ADAMTS8: variants seen among roughly 807,000 people sequenced by gnomAD.
ADAMTS8 encodes the protein ADAM metallopeptidase with thrombospondin type 1 motif 8.
Under a neutral mutation model 64.4 loss-of-function variants are expected in ADAMTS8, and 50 were observed. The observed-to-expected ratio is 0.78, with a 90% CI of 0.62 to 0.98. ADAMTS8 has a LOEUF of 0.98. ADAMTS8 is among the 50% of genes least tolerant of loss of function. The pLI is 0.00. For missense variants in ADAMTS8, 1,192 were observed against 1,208.2 expected, an observed-to-expected ratio of 0.99 and a Z score of 0.20; for synonymous variants, 556 against 533.6, an observed-to-expected ratio of 1.04 and a Z score of -0.58.
intron 5 of ADAMTS8, among the ~76,000 whole-genome samples, 171 bp downstream of exon 5, chr11:130,414,360 C>T (rs1038283373): frequency 2.0e-5 from 3 of 152,030 alleles, no homozygotes; most frequent in African/African-American, 7.2e-5. Flanking sequence ...AGTGATCCTT[C>T]TGCCTCAGCT....
intron 8 of ADAMTS8, among the ~76,000 whole-genome samples, 182 bp downstream of exon 8, chr11:130,408,282 C>T (rs1435785049): frequency 5.3e-5 from 8 of 152,170 alleles, no homozygotes; most frequent in South Asian, 2.1e-4. Flanking sequence ...ATCCTTACAA[C>T]GACTCTGAGA....
intron 1 of ADAMTS8, among the ~76,000 whole-genome samples, chr11:130,421,091 A>T (rs556670358): frequency 2.0e-4 from 30 of 152,338 alleles, no homozygotes; most frequent in Middle Eastern, 6.8e-3. Flanking sequence ...ATGAGGTCGC[A>T]CAAGGAAGGT....
Position 130,417,032 on chromosome 11 carries a change from G to T in ADAMTS8, c.1004C>A (p.Ala335Glu). Residue 335 changes from alanine (A) to glutamate (E), a missense_variant, in exon 3 of 9, where the codon GCA (alanine) becomes GAA (glutamate). Around this residue, in one of 5 missense-constraint regions of ADAMTS8, gnomAD observed 741 missense variants for 710.6 expected, o/e 1.04. Transcript: ENST00000257359. ...QEGLCDTLGV[A>E]DIGTICDPNK... Reference sequence around the variant, plus strand: ...GGGGTCACAAATGGTCCCGATGTCTGCCACACCCAGGGTGTCACACAGCCC... The same window carrying T: ...GGGGTCACAAATGGTCCCGATGTCTTCCACACCCAGGGTGTCACACAGCCC... 2 of 1,613,980 alleles carry T rather than the reference G, an allele frequency of 1.2e-6. No homozygotes were observed. The highest frequency in any genetic ancestry group is 2.2e-5 in the East Asian group (1 of 44,848).
At position 130,416,851 on chromosome 11, in the gene ADAMTS8, G is replaced by A. The variant is rs552002798; in HGVS notation, c.1096+89C>T. The A allele has an allele frequency of 1.4e-5, 22 of 1,573,624 alleles. No individual in the cohort carries two copies. Among genetic ancestry groups the A allele is most frequent in the East Asian group, 4.5e-5 (2 of 44,252 alleles). The stretch of plus-strand genomic sequence containing the variant: ...GAGGAGCTATTCCTAAGCAAGGGCC[G>A]CATATTCCTTAGGATCTACGCAACC... On this transcript the variant is annotated intron_variant, in intron 3 of 8. Transcript: ENST00000257359. The surrounding 1 kb of genome is among the most constrained non-coding windows in gnomAD (Gnocchi z 4.8).
chr11:130,411,457 G>T lies in ADAMTS8; in HGVS notation c.1710C>A (p.Ala570=), dbSNP rs1257279149. The T allele has an allele frequency of 6.2e-7, 1 of 1,614,174 alleles. No individual in the cohort carries two copies. ...NGGRYCLGRR[A]KYQSCHTEEC... ...CCTCCGTGTGGCATGACTGGTACTT[G>T]GCTCTCCGACCCAGGCAGTATCTTC... The change falls in exon 6 of 9, where the codon GCC becomes GCA. Residue 570 remains alanine (A), a synonymous_variant. Transcript: ENST00000257359. The surrounding 1 kb of genome is among the most constrained non-coding windows in gnomAD (Gnocchi z 4.2).
chr11:130,417,234 T>TTTAAA (rs10522527), intron 2 of ADAMTS8, among the ~76,000 whole-genome samples, 159 bp from the exon 3 acceptor site: 76,073 of 149,972 alleles, frequency 0.51, 20,630 homozygotes, highest in Admixed American at 0.66. Flanking sequence ...TTATTGAGCT[T>TTTAAA]TTAAATTAAA....
chr11:130,418,420 G>A (rs1051699942), intron 2 of ADAMTS8, among the ~76,000 whole-genome samples: 2 of 152,202 alleles, frequency 1.3e-5, no homozygotes, highest in African/African-American at 2.4e-5. Flanking sequence ...GGACAGCACA[G>A]TCATTCAGAA....
Position 130,427,906 on chromosome 11 carries a change from C to T in ADAMTS8, c.381G>A (p.Leu127=). ...SLCRGLSGSF[L]LDGEEFTIQP... is the part of the protein sequence containing the mutation. Reference sequence around the variant, plus strand: ...GGATGGTGAACTCCTCGCCGTCCAGCAGGAAGGAGCCGCTCAGCCCGCGGC... The same window carrying T: ...GGATGGTGAACTCCTCGCCGTCCAGTAGGAAGGAGCCGCTCAGCCCGCGGC... The change falls in exon 1 of 9, where the codon CTG becomes CTA. Residue 127 remains leucine, a synonymous_variant. Coordinates refer to ENST00000257359, the MANE Select transcript of ADAMTS8 (RefSeq NM_007037.6). The T allele has an allele frequency of 6.5e-7, 1 of 1,534,102 alleles. No homozygotes were observed. The highest frequency in any genetic ancestry group is 8.7e-7 in the Non-Finnish European group (1 of 1,146,258).
At position 130,416,657 on chromosome 11, in the gene ADAMTS8, C is replaced by T. The variant is rs565822039; in HGVS notation, c.1096+283G>A. ...CTTGTGCACAGCTCCACGCCTCCAC[C>T]CCAGCACGTGTCTGGTGTCCTGTGT... is the stretch of plus-strand genomic sequence containing the variant. On this transcript the variant is annotated intron_variant, in intron 3 of 8. Coordinates refer to ENST00000257359, the MANE Select transcript of ADAMTS8 (RefSeq NM_007037.6). The surrounding 1 kb of genome is among the most constrained non-coding windows in gnomAD (Gnocchi z 4.8). 3.6e-4 allele frequency among the ~76,000 whole-genome samples: 55 copies of T among 152,332 alleles called. No individual in the cohort carries two copies. The highest frequency in any genetic ancestry group is 1.3e-3 in the African/African-American group (53 of 41,580).
At chr11:130,419,512 G>T (rs1318699571) in intron 1 of ADAMTS8, among the ~76,000 whole-genome samples, 1 of 152,232 alleles carries the variant, frequency 6.6e-6, no homozygotes, top group African/African-American at 2.4e-5. Flanking sequence ...TGCATGAACA[G>T]TGGTCTTTGA....
intron 1 of ADAMTS8, among the ~76,000 whole-genome samples, chr11:130,423,711 T>C (rs1862128412): frequency 6.6e-6 from 1 of 152,222 alleles, no homozygotes; most frequent in African/African-American, 2.4e-5. Context: ...TCGAAAACTC[T>C]GCTCACTGCA....
Position 130,416,875 on chromosome 11 carries a change from C to T in ADAMTS8, c.1096+65G>A. ...CGCATATTCCTTAGGATCTACGCAACCTTGGATCTGGAAGAGCAGTTCCCT... is the reference window on the plus strand; with the variant it reads ...CGCATATTCCTTAGGATCTACGCAATCTTGGATCTGGAAGAGCAGTTCCCT... On this transcript the variant is annotated intron_variant, in intron 3 of 8. Coordinates refer to ENST00000257359, the MANE Select transcript of ADAMTS8 (RefSeq NM_007037.6). The surrounding 1 kb of genome is among the most constrained non-coding windows in gnomAD (Gnocchi z 4.8). 3 of 1,609,768 alleles carry T rather than the reference C, an allele frequency of 1.9e-6. No homozygotes were observed. The highest frequency in any genetic ancestry group is 2.5e-6 in the Non-Finnish European group (3 of 1,177,036).
Position 130,419,299 on chromosome 11 carries a change from G to C in ADAMTS8, c.721-7C>G. 6.2e-7 allele frequency: 1 copy of C among 1,613,832 alleles called. No individual in the cohort carries two copies. The highest frequency in any genetic ancestry group is 1.3e-5 in the African/African-American group (1 of 75,036). The stretch of plus-strand genomic sequence containing the variant: ...TTAACGTCAGGATGTGGTTCTGTCA[G>C]GAAGGAGGAGACAAGAGGCGGAGTG... On this transcript the variant is annotated splice_polypyrimidine_tract_variant and splice_region_variant and intron_variant, in intron 1 of 8. Coordinates refer to ENST00000257359, the MANE Select transcript of ADAMTS8 (RefSeq NM_007037.6).
Position 130,414,742 on chromosome 11 carries a change from C to T in ADAMTS8, c.1355G>A (p.Cys452Tyr), listed in dbSNP as rs952620405. 1.1e-5 allele frequency: 18 copies of T among 1,613,602 alleles called. No individual in the cohort carries two copies. Among genetic ancestry groups the T allele is most frequent in the Non-Finnish European group, 1.5e-5 (18 of 1,180,040 alleles). Residue 452 changes from cysteine (C) to tyrosine (Y), a missense_variant, in exon 5 of 9, where the codon TGC (cysteine) becomes TAC (tyrosine). By Grantham distance (194) the Cys-to-Tyr change is radical (BLOSUM62 -2). Around this residue, in one of 5 missense-constraint regions of ADAMTS8, gnomAD observed 741 missense variants for 710.6 expected, o/e 1.04. Coordinates refer to ENST00000257359, the MANE Select transcript of ADAMTS8 (RefSeq NM_007037.6). Reference protein sequence around the residue: ...RMALYQLDQQCRQIFGPDFRH... With the variant: ...RMALYQLDQQYRQIFGPDFRH... Reference sequence around the variant, plus strand: ...GAAATCCGGCCCAAAGATCTGCCTGCACTGCTGGTCCAGCTGGTACAGGGC... The same window carrying T: ...GAAATCCGGCCCAAAGATCTGCCTGTACTGCTGGTCCAGCTGGTACAGGGC...
At position 130,428,466 on chromosome 11, in the gene ADAMTS8, C is replaced by A; in HGVS notation, c.-180G>T. 1 of 1,018,428 alleles carries A rather than the reference C, an allele frequency of 9.8e-7. No individual in the cohort carries two copies. Among genetic ancestry groups the A allele is most frequent in the African/African-American group, 1.7e-5 (1 of 57,780 alleles). 63.1% of individuals were successfully genotyped at this position (1,018,428 alleles called of 1,614,324 possible). A position where few individuals can be genotyped will look rare whatever the true frequency, so the allele number is the denominator to read the frequency against. On this transcript the variant is annotated 5_prime_UTR_variant, in exon 1 of 9. Transcript: ENST00000257359. ...AGCGCTCCCCCGGCGGCCCCTCTGG[C>A]TGGCGCAGCCCGCTCCTCCCGCGCC...
At position 130,428,501 on chromosome 11, in the gene ADAMTS8, G is replaced by A. The variant is rs1810066315; in HGVS notation, c.-215C>T. 1 of 960,742 alleles carries A rather than the reference G, an allele frequency of 1.0e-6. No individual in the cohort carries two copies. 59.5% of individuals were successfully genotyped at this position (960,742 alleles called of 1,614,324 possible). ...CCGCTCCTCCCGCGCCGCCGCCCCC[G>A]AGCCGAGCGCGAGCAGCTGGCCCCG... On this transcript the variant is annotated 5_prime_UTR_variant, in exon 1 of 9. Coordinates refer to ENST00000257359, the MANE Select transcript of ADAMTS8 (RefSeq NM_007037.6).
intron 1 of ADAMTS8, among the ~76,000 whole-genome samples, chr11:130,422,909 TTGCTGAGTA>T (rs1862119134): frequency 6.6e-6 from 1 of 152,238 alleles, no homozygotes; most frequent in African/African-American, 2.4e-5. Context: ...TAGCCATGCC[TTGCTGAGTA>T]TGTCGTCTGG....
Position 130,416,409 on chromosome 11 carries a change from A to G in ADAMTS8, c.1097-79T>C. ...CTGGCCCAGCTAGGGACAGAGATGG[A>G]GCTCCTCAGGGGAGCAGCCACCCCC... On this transcript the variant is annotated intron_variant, in intron 3 of 8. Coordinates refer to ENST00000257359, the MANE Select transcript of ADAMTS8 (RefSeq NM_007037.6). The surrounding 1 kb of genome is among the most constrained non-coding windows in gnomAD (Gnocchi z 4.8). 1 of 1,444,424 alleles carries G rather than the reference A, an allele frequency of 6.9e-7. No individual in the cohort carries two copies. Among genetic ancestry groups the G allele is most frequent in the Admixed American group, 2.3e-5 (1 of 42,664 alleles). The allele number at this position is 1,444,424 out of a possible 1,614,324, so 89.5% of individuals were successfully genotyped here. A position where few individuals can be genotyped will look rare whatever the true frequency, so the allele number is the denominator to read the frequency against.
rs558292809 is a variant in ADAMTS8 at position 130,424,097 on chromosome 11, G to A, written c.720+3470C>T. On this transcript the variant is annotated intron_variant, in intron 1 of 8. Transcript: ENST00000257359. Reference sequence around the variant, plus strand: ...ATAGGGCCTCACAGTGGGCCTGGATGGCTTTGAACTGCTGGATTTAAAGAC... The same window carrying A: ...ATAGGGCCTCACAGTGGGCCTGGATAGCTTTGAACTGCTGGATTTAAAGAC... 5.9e-5 allele frequency among the ~76,000 whole-genome samples: 9 copies of A among 152,252 alleles called. No individual in the cohort carries two copies. In the East Asian group the frequency reaches 1.2e-3, roughly 20 times the overall value.
Sources: gnomAD v4.1 joint callset for allele counts (sites outside exome capture counted in the v4.1 genomes callset) on GRCh38, gnomAD v4.1.1 for gene constraint, gnomAD v4.1.1 regional missense constraint, Gnocchi (gnomAD v3.1) non-coding constraint, MANE v1.5 for transcripts, NCBI Gene and HGNC (gene_info 2026-07-23, HGNC 2026-07-21) for gene names.